Variants in DHX35 observed in about 807,000 individuals in gnomAD.
DHX35 encodes the protein DEAH-box helicase 35, also known as probable ATP-dependent RNA helicase DHX35.
A neutral mutation model predicts 99.6 loss-of-function variants in DHX35; 84 were observed. The observed-to-expected ratio is 0.84, with a 90% CI of 0.71 to 1.01. The LOEUF is 1.01. DHX35 is among the 50% of genes least tolerant of loss of function. The probability of loss-of-function intolerance (pLI) is 0.00; values close to 1 mark genes in which losing one functional copy is unlikely to be tolerated. For missense variants in DHX35, 852 were observed against 888.5 expected (o/e 0.96, Z 0.52); for synonymous variants, 331 against 316.2 (o/e 1.05, Z -0.50).
At chr20:39,028,986 G>C (rs147664460) in intron 19 of DHX35, among the ~76,000 whole-genome samples, 10 of 152,136 alleles carry the variant, frequency 6.6e-5, no homozygotes, top group African/African-American at 2.2e-4. Context: ...GATTCTTCCA[G>C]TTCCATTTTC....
chr20:39,010,365 A>G lies in DHX35; in HGVS notation c.1308A>G (p.Ala436=), dbSNP rs556283382. Residue 436 remains alanine (A), a synonymous_variant, in exon 13 of 22, where the codon GCA becomes GCG. Coordinates refer to ENST00000252011, the MANE Select transcript of DHX35 (RefSeq NM_021931.4). The part of the protein sequence containing the change: ...NLAPVILQLK[A]LGIDNVLRFH... ...CACCTGTCATCCTGCAGCTGAAAGC[A>G]CTAGGAATTGACAATGTCCTCAGGT... 9 of 1,614,168 alleles carry G rather than the reference A, an allele frequency of 5.6e-6. No homozygotes were observed. In the South Asian group the frequency reaches 9.9e-5, roughly 18 times the overall value.
At position 38,962,692 on chromosome 20, in the gene DHX35, G is replaced by A. The variant is rs534149650; in HGVS notation, c.40+285G>A. On this transcript the variant is annotated intron_variant, in intron 1 of 21. Transcript: ENST00000252011. ...TACTGATGCTTGTCCTGCCCACCCC[G>A]CGAGATGGGGAATCCTAAAGCTCCC... The A allele has an allele frequency of 1.4e-4, 63 of 443,056 alleles. No individual in the cohort carries two copies. In the East Asian group the frequency reaches 2.3e-3, roughly 16 times the overall value. The allele number at this position is 443,056 out of a possible 1,614,324, so 27.4% of individuals were successfully genotyped here. A position where few individuals can be genotyped will look rare whatever the true frequency, so the allele number is the denominator to read the frequency against.
chr20:38,969,042 T>C (rs1268971538), intron 1 of DHX35, 39 bp from the exon 2 acceptor site: 2 of 1,557,954 alleles, frequency 1.3e-6, no homozygotes, highest in African/African-American at 1.4e-5. Flanking sequence ...TTCTGTTCAT[T>C]GTATCAGAGA....
rs1248499676 is a variant in DHX35, at chr20:39,023,684, T to C, written c.1594-6T>C. On this transcript the variant is annotated splice_region_variant and splice_polypyrimidine_tract_variant and intron_variant, in intron 16 of 21. Coordinates refer to ENST00000252011, the MANE Select transcript of DHX35 (RefSeq NM_021931.4). ...GAAATTCTGAATGTTGCTTCATTCT[T>C]TCCAGATTCGAGTGCACCGTAAATT... The C allele has an allele frequency of 1.2e-5, 20 of 1,613,636 alleles. No individual in the cohort carries two copies. Among genetic ancestry groups the C allele is most frequent in the Non-Finnish European group, 1.7e-5 (20 of 1,179,688 alleles).
At chr20:39,004,137 A>G in intron 11 of DHX35, among the ~76,000 whole-genome samples, 1 of 152,004 alleles carries the variant, frequency 6.6e-6, no homozygotes, top group Non-Finnish European at 1.5e-5. Context: ...ATCTCAGCTC[A>G]CTGCAAGCTC....
intron 4 of DHX35, among the ~76,000 whole-genome samples, chr20:38,984,046 A>T (rs1292617299): frequency 6.6e-6 from 1 of 152,086 alleles, no homozygotes; most frequent in East Asian, 1.9e-4. Context: ...AGTAGCTGGG[A>T]TTACAGGCAT....
At chr20:39,029,980 CTTTT>C (rs998747126) in intron 19 of DHX35, 3 of 138,042 alleles carry the variant, frequency 2.2e-5, no homozygotes, top group African/African-American at 2.7e-5. Context: ...CAGTATTGAG[CTTTT>C]TTTTTTTTTT....
In DHX35 at chr20:39,023,787, G is replaced by T; in HGVS notation, c.1671+20G>T. ...ATCAAAGTAAGCACAACTACTGCTC[G>T]AAGTGCCGCCTCAACACACCACCCT... On this transcript the variant is annotated intron_variant, in intron 17 of 21. Coordinates refer to ENST00000252011, the MANE Select transcript of DHX35 (RefSeq NM_021931.4). The T allele has an allele frequency of 6.2e-7, 1 of 1,606,584 alleles. No homozygotes were observed. The highest frequency in any genetic ancestry group is 8.5e-7 in the Non-Finnish European group (1 of 1,173,558).
chr20:38,983,254 G>A (rs1331373921), intron 3 of DHX35, among the ~76,000 whole-genome samples: 5 of 152,216 alleles, frequency 3.3e-5, no homozygotes, highest in Admixed American at 6.5e-5. Flanking sequence ...ATCTAATGGT[G>A]TATAGTCATA....
In DHX35 at chr20:38,971,761, A is replaced by T. The variant is rs1213731386; in HGVS notation, c.175-798A>T. ...ACATCTCACTTCCTTTTCTTAACAT[A>T]TCTTATAGTTCATTCCATATCAGTA... On this transcript the variant is annotated intron_variant, in intron 2 of 21. Coordinates refer to ENST00000252011, the MANE Select transcript of DHX35 (RefSeq NM_021931.4). Among the ~76,000 whole-genome samples, 4 of 152,074 alleles carry T rather than the reference A, an allele frequency of 2.6e-5. No homozygotes were observed. The East Asian group carries it at 7.7e-4, about 29-fold the overall frequency.
Position 39,038,730 on chromosome 20 carries a change from C to A in DHX35, c.*187C>A. The A allele has an allele frequency of 3.2e-6, 2 of 629,176 alleles. No homozygotes were observed. The highest frequency in any genetic ancestry group is 8.7e-4 in the Middle Eastern group (2 of 2,298). 39.0% of individuals were successfully genotyped at this position (629,176 alleles called of 1,614,324 possible). On this transcript the variant is annotated 3_prime_UTR_variant, in exon 22 of 22. Transcript: ENST00000252011. ...CAGCATTTGCATCCTTGCTGGGATC[C>A]TGGAGGACTTTGTGCATGGGCAGGC...
rs966119207 is a variant in DHX35 at position 38,994,947 on chromosome 20, G to T, written c.642+67G>T. Reference sequence around the variant, plus strand: ...CTTTTGTCCTATATATCCTTGGGAAGTTACCTCTAGCAAGAGCTTATCTTT... The same window carrying T: ...CTTTTGTCCTATATATCCTTGGGAATTTACCTCTAGCAAGAGCTTATCTTT... On this transcript the variant is annotated intron_variant, in intron 8 of 21. Transcript: ENST00000252011. 1.7e-5 allele frequency: 24 copies of T among 1,387,344 alleles called. 1 individual carries two copies. The South Asian group carries it at 2.7e-4, about 15-fold the overall frequency. 85.9% of individuals were successfully genotyped at this position (1,387,344 alleles called of 1,614,324 possible).
intron 7 of DHX35, among the ~76,000 whole-genome samples, chr20:38,993,221 C>G (rs1257298392): frequency 1.3e-5 from 2 of 152,200 alleles, no homozygotes; most frequent in African/African-American, 4.8e-5. Context: ...AAATAGTAGT[C>G]TCTATATCTG....
intron 14 of DHX35, among the ~76,000 whole-genome samples, chr20:39,016,065 C>T (rs1448324418): frequency 2.6e-5 from 4 of 152,162 alleles, no homozygotes; most frequent in African/African-American, 7.2e-5. Flanking sequence ...ATTTGGGTCA[C>T]GATTCAGGTG....
chr20:39,015,270 A>G (rs992939875), intron 14 of DHX35, among the ~76,000 whole-genome samples: 5 of 152,150 alleles, frequency 3.3e-5, no homozygotes, highest in Admixed American at 6.5e-5. Flanking sequence ...TTCTCCACCC[A>G]ACAACCACAT....
At chr20:39,000,369 G>A (rs1262765292) in intron 8 of DHX35, among the ~76,000 whole-genome samples, 1 of 152,168 alleles carries the variant, frequency 6.6e-6, no homozygotes, top group Non-Finnish European at 1.5e-5. Flanking sequence ...GGCATGGGGT[G>A]TCTGTTCCCA....
At chr20:38,972,332 A>G (rs199664697) in intron 2 of DHX35, among the ~76,000 whole-genome samples, 1 of 127,276 alleles carries the variant, frequency 7.9e-6, no homozygotes. Context: ...ATAAGTGAAA[A>G]TGTAAAGGGC....
intron 20 of DHX35, among the ~76,000 whole-genome samples, chr20:39,033,842 G>A (rs2087099960): frequency 6.6e-6 from 1 of 152,150 alleles, no homozygotes; most frequent in Non-Finnish European, 1.5e-5. Flanking sequence ...TTTACAGTCA[G>A]TTCCCAGCCT....
chr20:39,036,726 C>CCA (rs1568767834), intron 21 of DHX35, among the ~76,000 whole-genome samples: 4 of 51,664 alleles, frequency 7.7e-5, no homozygotes, highest in African/African-American at 2.4e-4. Context: ...ACTGTCCCCC[C>CCA]AAAAAAAAAA....
Sources: allele counts gnomAD v4.1 joint callset (sites outside exome capture counted in the v4.1 genomes callset), GRCh38; gene constraint gnomAD v4.1.1; transcripts MANE v1.5; gene names NCBI Gene and HGNC (gene_info 2026-07-23, HGNC 2026-07-21).